The following PPP1R13B variants were observed in gnomAD, a reference collection of about 807,000 sequenced individuals.
The protein encoded by PPP1R13B is protein phosphatase 1 regulatory subunit 13B.
A neutral mutation model predicts 119.8 loss-of-function variants in PPP1R13B; 44 were observed. The observed-to-expected ratio is 0.37, with a 90% CI of 0.29 to 0.47. PPP1R13B has a LOEUF of 0.47. Among genes scored for constraint, PPP1R13B ranks in the 20% least tolerant of loss-of-function variants. The pLI, the probability that PPP1R13B is intolerant of heterozygous loss-of-function variation, is 0.99. For synonymous variants in PPP1R13B, 542 were observed against 561.5 expected, an observed-to-expected ratio of 0.97 and a Z score of 0.49; for missense variants, 1,227 against 1,413.5, an observed-to-expected ratio of 0.87 and a Z score of 2.12.
chr14:103,804,123 C>T, intron 1 of PPP1R13B: 1 of 852,604 alleles, frequency 1.2e-6, no homozygotes, highest in Non-Finnish European at 1.4e-6. Flanking sequence ...TGGAAAATAT[C>T]ATACTAGACC....
intron 7 of PPP1R13B, among the ~76,000 whole-genome samples, chr14:103,752,188 C>T (rs2084564744): frequency 6.6e-6 from 1 of 152,192 alleles, no homozygotes; most frequent in Non-Finnish European, 1.5e-5. Context: ...CTCCAATGAG[C>T]ATGTATTTCC....
chr14:103,834,284 G>A (rs889508726), intron 1 of PPP1R13B, among the ~76,000 whole-genome samples: 4 of 152,168 alleles, frequency 2.6e-5, no homozygotes, highest in African/African-American at 4.8e-5. Context: ...GCTGAGGCAC[G>A]AGAATCACTT....
At chr14:103,779,442 TTA>T (rs1430301493) in intron 3 of PPP1R13B, among the ~76,000 whole-genome samples, 1 of 152,072 alleles carries the variant, frequency 6.6e-6, no homozygotes, top group African/African-American at 2.4e-5. Flanking sequence ...ATGGTAAATT[TTA>T]TGTGTATTTT....
rs2084621639 is a variant in PPP1R13B at position 103,754,249 on chromosome 14, CAAAA to C, written c.457-9_457-6del. The C allele has an allele frequency of 3.8e-6, 6 of 1,596,408 alleles. No homozygotes were observed. The South Asian group carries it at 5.7e-5, about 15-fold the overall frequency. On this transcript the variant is annotated splice_region_variant and splice_polypyrimidine_tract_variant and intron_variant, in intron 5 of 16. Coordinates refer to ENST00000202556, the MANE Select transcript of PPP1R13B (RefSeq NM_015316.3). Reference sequence around the variant, plus strand: ...TAGAAAATGTAAACGCTGTTCCTAACAAAAGAAAGAAAAATGTAACTTTGAAAAT... The same window carrying C: ...TAGAAAATGTAAACGCTGTTCCTAACGAAAGAAAAATGTAACTTTGAAAAT...
intron 9 of PPP1R13B, among the ~76,000 whole-genome samples, chr14:103,743,273 G>A (rs571429735): frequency 1.3e-5 from 2 of 152,350 alleles, no homozygotes; most frequent in South Asian, 4.1e-4. Context: ...GGTTTGACCT[G>A]TAGTACTTTA....
Position 103,797,456 on chromosome 14 carries a change from C to T in PPP1R13B, c.72G>A (p.Pro24=), listed in dbSNP as rs772630854. ...CTACAACATCTCGACAGGTTGTTTCCGGTGTTATAGGAACTTCTGTTAAAA... is the reference window on the plus strand; with the variant it reads ...CTACAACATCTCGACAGGTTGTTTCTGGTGTTATAGGAACTTCTGTTAAAA... ...EQILTEVPIT[P]ETTCRDVVEF... Residue 24 remains proline (P), a synonymous_variant, in exon 2 of 17, where the codon CCG becomes CCA. Coordinates refer to ENST00000202556, the MANE Select transcript of PPP1R13B (RefSeq NM_015316.3). 7.4e-6 allele frequency: 12 copies of T among 1,613,540 alleles called. No homozygotes were observed. The highest frequency in any genetic ancestry group is 1.0e-5 in the Non-Finnish European group (12 of 1,179,694).
chr14:103,848,455 G>A, upstream of PPP1R13B: 3 of 985,492 alleles, frequency 3.0e-6, no homozygotes, highest in Non-Finnish European at 3.6e-6. Flanking sequence ...GCTGCCAGGG[G>A]GGTAGGCACC....
intron 11 of PPP1R13B, among the ~76,000 whole-genome samples, chr14:103,741,368 A>G (rs2084254983): frequency 6.6e-6 from 1 of 152,230 alleles, no homozygotes; most frequent in Non-Finnish European, 1.5e-5. Flanking sequence ...CCTACGCAGC[A>G]GACGCCCTCC....
chr14:103,764,276 T>G (rs2084885090), intron 4 of PPP1R13B: 2 of 163,502 alleles, frequency 1.2e-5, no homozygotes, highest in Admixed American at 6.5e-5. Context: ...ATATTTGTCT[T>G]TTTGCTTATA....
intron 3 of PPP1R13B, among the ~76,000 whole-genome samples, chr14:103,779,849 T>A (rs1412610061): frequency 6.0e-5 from 9 of 150,862 alleles, no homozygotes; most frequent in Admixed American, 4.6e-4. Flanking sequence ...AAGAAAAAAA[T>A]TTTCAAAAAG....
At chr14:103,799,906 C>G (rs1161084793) in intron 1 of PPP1R13B, among the ~76,000 whole-genome samples, 1 of 151,772 alleles carries the variant, frequency 6.6e-6, no homozygotes, top group Non-Finnish European at 1.5e-5. Flanking sequence ...CAAAAATTAG[C>G]CAGGCGCGGT....
rs764936107 is a variant in PPP1R13B, at chr14:103,753,203, T to C, written c.632-7A>G. The C allele has an allele frequency of 2.3e-5, 37 of 1,601,668 alleles. No homozygotes were observed. The highest frequency in any genetic ancestry group is 6.7e-5 in the South Asian group (6 of 88,980). ...AACCTTTCTATTTCAGCAGCTATAA[T>C]TGACCACACAAGAAAAGAATAAAAG... On this transcript the variant is annotated splice_region_variant and splice_polypyrimidine_tract_variant and intron_variant, in intron 6 of 16. Transcript: ENST00000202556.
At chr14:103,788,645 C>T (rs2085531656) in intron 2 of PPP1R13B, among the ~76,000 whole-genome samples, 1 of 150,076 alleles carries the variant, frequency 6.7e-6, no homozygotes, top group South Asian at 2.1e-4. Flanking sequence ...CCATTGCGCT[C>T]AAGCCTGGAT....
chr14:103,775,306 G>T (rs2085162175), intron 4 of PPP1R13B, among the ~76,000 whole-genome samples: 1 of 147,264 alleles, frequency 6.8e-6, no homozygotes, highest in South Asian at 2.1e-4. Context: ...ACAGAGTCTC[G>T]CTCTGTCACC....
chr14:103,843,951 CAAAAAAAAA>C (rs35687195), intron 1 of PPP1R13B, among the ~76,000 whole-genome samples: 1 of 132,598 alleles, frequency 7.5e-6, no homozygotes, highest in South Asian at 2.5e-4. Context: ...GACTCCGTCT[CAAAAAAAAA>C]AAAAAAGTGG....
At chr14:103,791,722 AAAAC>A (rs1302697434) in intron 2 of PPP1R13B, among the ~76,000 whole-genome samples, 4 of 152,226 alleles carry the variant, frequency 2.6e-5, no homozygotes, top group Admixed American at 2.6e-4. Context: ...ACTCCATCTC[AAAAC>A]AAACAAACAA....
chr14:103,765,986 T>TTTTATTA (rs141588292), intron 4 of PPP1R13B, among the ~76,000 whole-genome samples: 289 of 139,062 alleles, frequency 2.1e-3, no homozygotes, highest in African/African-American at 7.5e-3. Flanking sequence ...AAATTTTTAT[T>TTTTATTA]TTATTATTAT....
At chr14:103,798,922 T>G (rs1402096950) in intron 1 of PPP1R13B, among the ~76,000 whole-genome samples, 1 of 151,906 alleles carries the variant, frequency 6.6e-6, no homozygotes, top group Non-Finnish European at 1.5e-5. Flanking sequence ...ACTCCTGAGT[T>G]CAAGCAATCC....
chr14:103,787,408 ACTT>A (rs1286233206), intron 2 of PPP1R13B, among the ~76,000 whole-genome samples: 1 of 151,782 alleles, frequency 6.6e-6, no homozygotes, highest in African/African-American at 2.4e-5. Flanking sequence ...AGATCGTGCT[ACTT>A]CACTCCATGC....
Sources: gnomAD v4.1 joint callset for allele counts (sites outside exome capture counted in the v4.1 genomes callset) on GRCh38, gnomAD v4.1.1 for gene constraint, MANE v1.5 for transcripts, NCBI Gene and HGNC (gene_info 2026-07-23, HGNC 2026-07-21) for gene names.